The following FBXO16 variants were observed in gnomAD, a reference collection of about 807,000 sequenced individuals.
FBXO16 encodes F-box protein 16.
Under a neutral mutation model 41.0 loss-of-function variants are expected in FBXO16, and 31 were observed. The observed-to-expected ratio is 0.76, with a 90% CI of 0.57 to 1.02. FBXO16 has a LOEUF of 1.02. Ranked by LOEUF, FBXO16 falls within the 50% of genes least tolerant of loss-of-function variation. FBXO16 has a pLI of 0.00. For missense variants in FBXO16, 361 were observed against 346.2 expected (o/e 1.04, Z -0.34); for synonymous variants, 133 against 117.8 (o/e 1.13, Z -0.84).
intron 1 of FBXO16, among the ~76,000 whole-genome samples, chr8:28,488,839 C>T (rs1803643962): frequency 6.6e-6 from 1 of 152,128 alleles, no homozygotes; most frequent in South Asian, 2.1e-4. Flanking sequence ...CATGATTTTA[C>T]CTCCATCTAC....
chr8:28,474,095 A>G (rs117201118), intron 2 of FBXO16, among the ~76,000 whole-genome samples: 4,695 of 152,096 alleles, frequency 0.031, 99 homozygotes, highest in Non-Finnish European at 0.048. Context: ...AGGCCAAGGC[A>G]GGCAGATCAT....
At chr8:28,432,828 G>A (rs1163623621) in intron 7 of FBXO16, among the ~76,000 whole-genome samples, 2 of 152,046 alleles carry the variant, frequency 1.3e-5, no homozygotes, top group Non-Finnish European at 2.9e-5. Context: ...AGGCCAAGGC[G>A]GGTGGATCAC....
intron 3 of FBXO16, among the ~76,000 whole-genome samples, chr8:28,470,786 T>C (rs1458591114): frequency 6.6e-6 from 1 of 152,228 alleles, no homozygotes; most frequent in Admixed American, 6.5e-5. Flanking sequence ...TAGGGATATT[T>C]GTATTTTTCT....
At chr8:28,448,373 GA>G (rs1360943507) in intron 6 of FBXO16, among the ~76,000 whole-genome samples, 2 of 139,582 alleles carry the variant, frequency 1.4e-5, no homozygotes, top group Non-Finnish European at 3.1e-5. Flanking sequence ...AAGAAAGAAA[GA>G]AAAGAAAAAA....
intron 7 of FBXO16, among the ~76,000 whole-genome samples, chr8:28,441,546 G>C (rs909331133): frequency 6.6e-6 from 1 of 152,048 alleles, no homozygotes; most frequent in Non-Finnish European, 1.5e-5. Flanking sequence ...GACCAGCCTG[G>C]CCAACATGGC....
intron 2 of FBXO16, 100 bp downstream of exon 2, chr8:28,483,248 A>T: frequency 8.9e-7 from 1 of 1,126,818 alleles, no homozygotes; most frequent in Non-Finnish European, 1.3e-6. Flanking sequence ...CCATTACACA[A>T]TCTTAAATAA....
At chr8:28,489,361 A>ACAC (rs1483492514) in intron 1 of FBXO16, among the ~76,000 whole-genome samples, 2 of 151,440 alleles carry the variant, frequency 1.3e-5, no homozygotes, top group African/African-American at 2.4e-5. Flanking sequence ...AAAAACACCA[A>ACAC]CACCACCACC....
intron 1 of FBXO16, among the ~76,000 whole-genome samples, chr8:28,488,809 G>A (rs1037781622): frequency 5.3e-5 from 8 of 152,086 alleles, no homozygotes; most frequent in East Asian, 3.9e-4. Context: ...AGACTTCCTC[G>A]CGTGGAAGTC....
intron 3 of FBXO16, among the ~76,000 whole-genome samples, chr8:28,473,018 T>A (rs1803362679): frequency 6.6e-6 from 1 of 152,180 alleles, no homozygotes; most frequent in Admixed American, 6.5e-5. Flanking sequence ...TCATCTACTT[T>A]ATTCCACAGA....
Position 28,458,841 on chromosome 8 carries a change from T to C in FBXO16, c.343-1911A>G, listed in dbSNP as rs575874117. Among the ~76,000 whole-genome samples the C allele has an allele frequency of 2.6e-5, 4 of 152,312 alleles. No individual in the cohort carries two copies. In the South Asian group the frequency reaches 8.3e-4, roughly 32 times the overall value. On this transcript the variant is annotated intron_variant, in intron 4 of 8. Coordinates refer to ENST00000380254, the MANE Select transcript of FBXO16 (RefSeq NM_172366.4). ...TTTTGTTTTTTGTGTTTTTGTGTTA[T>C]TTTGTTTGTTTAAAGGTAGAGAGGA...
At chr8:28,484,951 C>A (rs1803578114) in intron 1 of FBXO16, among the ~76,000 whole-genome samples, 1 of 152,100 alleles carries the variant, frequency 6.6e-6, no homozygotes, top group Non-Finnish European at 1.5e-5. Context: ...TCTCGGCTCA[C>A]CACAACCTCC....
At chr8:28,434,554 G>A (rs956780167) in intron 7 of FBXO16, among the ~76,000 whole-genome samples, 2 of 152,190 alleles carry the variant, frequency 1.3e-5, no homozygotes, top group Non-Finnish European at 1.5e-5. Flanking sequence ...CAACATGCCT[G>A]TGATGTGGTA....
intron 3 of FBXO16, among the ~76,000 whole-genome samples, chr8:28,468,874 G>T (rs1376128275): frequency 2.7e-5 from 4 of 150,906 alleles, no homozygotes; most frequent in Non-Finnish European, 5.9e-5. Flanking sequence ...TTTCAAGCAG[G>T]CACACATAGA....
At chr8:28,447,343 TTG>T (rs1802881291) in intron 6 of FBXO16, 70 bp from the exon 7 acceptor site, 2 of 1,309,228 alleles carry the variant, frequency 1.5e-6, no homozygotes, top group Admixed American at 3.7e-5. Context: ...GCATAGCTAT[TTG>T]TCTGTTTGAG....
intron 4 of FBXO16, among the ~76,000 whole-genome samples, chr8:28,458,868 T>A (rs1041112103): frequency 3.3e-5 from 5 of 152,188 alleles, no homozygotes; most frequent in Non-Finnish European, 1.5e-5. Flanking sequence ...TAGAGAGGAA[T>A]GAAGAGAATT....
intron 2 of FBXO16, among the ~76,000 whole-genome samples, chr8:28,477,043 C>T (rs549766797): frequency 2.0e-5 from 3 of 152,216 alleles, no homozygotes; most frequent in African/African-American, 4.8e-5. Flanking sequence ...CATTCCTTCA[C>T]CCAAAATTCA....
In FBXO16 at chr8:28,452,176, C is replaced by T. The variant is rs1802964547; in HGVS notation, c.740+68G>A. ...ACAGTAAGTTCTATTTCCATCTCTT[C>T]GTATACTGAAATGCCAATAAATTAT... On this transcript the variant is annotated intron_variant, in intron 6 of 8. Transcript: ENST00000380254. 3.5e-6 allele frequency: 5 copies of T among 1,425,294 alleles called. No individual in the cohort carries two copies. The East Asian group carries it at 6.9e-5, about 20-fold the overall frequency. The allele number at this position is 1,425,294 out of a possible 1,614,324, so 88.3% of individuals were successfully genotyped here.
At chr8:28,463,506 A>ATGTG in intron 4 of FBXO16, 106 bp downstream of exon 4, 1 of 1,042,148 alleles carries the variant, frequency 9.6e-7, no homozygotes, top group Non-Finnish European at 1.4e-6. Flanking sequence ...ATGTGTATAT[A>ATGTG]TGTGTGTGTG....
chr8:28,472,759 A>G (rs759198380), intron 3 of FBXO16, among the ~76,000 whole-genome samples: 1 of 152,114 alleles, frequency 6.6e-6, no homozygotes, highest in Non-Finnish European at 1.5e-5. Context: ...AAAAGAAAAG[A>G]AGGCAAGATC....
Sources: gnomAD v4.1 joint callset for allele counts (sites outside exome capture counted in the v4.1 genomes callset) on GRCh38, gnomAD v4.1.1 for gene constraint, MANE v1.5 for transcripts, NCBI Gene and HGNC (gene_info 2026-07-23, HGNC 2026-07-21) for gene names.